Variants in JPH3 observed in about 807,000 individuals in gnomAD.
The protein encoded by JPH3 is junctophilin 3.
A neutral mutation model predicts 59.6 loss-of-function variants in JPH3; 11 were observed. The observed-to-expected ratio is 0.18, with a 90% CI of 0.12 to 0.31. The LOEUF is 0.31. Among genes scored for constraint, JPH3 ranks in the 10% least tolerant of loss-of-function variants. The pLI, the probability that JPH3 is intolerant of heterozygous loss-of-function variation, is 1.00. For missense variants in JPH3, 1,202 were observed against 1,105.7 expected (o/e 1.09, Z -1.24); for synonymous variants, 673 against 483.6 (o/e 1.39, Z -5.14).
intron 1 of JPH3, chr16:87,604,421 C>T (rs2030428000): frequency 7.2e-7 from 1 of 1,396,744 alleles, no homozygotes; most frequent in African/African-American, 1.4e-5. Flanking sequence ...GCACCTGACA[C>T]GCATGGAGCC....
At chr16:87,673,335 T>G (rs1437723869) in intron 2 of JPH3, among the ~76,000 whole-genome samples, 5 of 151,638 alleles carry the variant, frequency 3.3e-5, no homozygotes, top group Admixed American at 2.6e-4. Flanking sequence ...AAAACTGATC[T>G]ACTGAATTAC....
intron 2 of JPH3, among the ~76,000 whole-genome samples, chr16:87,667,640 G>A (rs932856826): frequency 3.9e-5 from 6 of 152,174 alleles, no homozygotes; most frequent in African/African-American, 1.2e-4. Context: ...GGGGTCTTGG[G>A]CAACGTCCCA....
At position 87,677,016 on chromosome 16, in the gene JPH3, G is replaced by C. The variant is rs185447228; in HGVS notation, c.1161-7126G>C. ...CTACTAAGAATACAAAAAATTAGCC[G>C]GGCGTGGTGGCGGGCGCCTGTAGTC... is the stretch of plus-strand genomic sequence containing the variant. On this transcript the variant is annotated intron_variant, in intron 2 of 4. Transcript: ENST00000284262. 3.5e-3 allele frequency among the ~76,000 whole-genome samples: 525 copies of C among 151,456 alleles called. 20 individuals are homozygous for C. The highest frequency in any genetic ancestry group is 0.012 in the African/African-American group (511 of 40,986).
At chr16:87,620,457 A>AGAGG (rs150066840) in intron 1 of JPH3, among the ~76,000 whole-genome samples, 1 of 94,794 alleles carries the variant, frequency 1.1e-5, no homozygotes, top group Non-Finnish European at 2.1e-5. Flanking sequence ...AGAGAGAAGG[A>AGAGG]GAGAGAGGGA....
At chr16:87,682,119 C>T (rs140824677) in intron 2 of JPH3, among the ~76,000 whole-genome samples, 7 of 152,320 alleles carry the variant, frequency 4.6e-5, no homozygotes, top group Non-Finnish European at 8.8e-5. Flanking sequence ...CTCTCTGGCT[C>T]TTGGAGCCCT....
At chr16:87,671,207 C>T (rs572933567) in intron 2 of JPH3, among the ~76,000 whole-genome samples, 3 of 152,184 alleles carry the variant, frequency 2.0e-5, no homozygotes, top group Non-Finnish European at 4.4e-5. Context: ...ACACGTCTCT[C>T]TGTTCCTCGA....
At chr16:87,673,443 C>A (rs542169367) in intron 2 of JPH3, among the ~76,000 whole-genome samples, 1 of 152,048 alleles carries the variant, frequency 6.6e-6, no homozygotes, top group African/African-American at 2.4e-5. Context: ...AAGTTCAGAC[C>A]CCAGGAACAT....
chr16:87,644,705 A>G lies in JPH3; in HGVS notation c.830A>G (p.Glu277Gly). Reference sequence around the variant, plus strand: ...GCTGAGGCCGAGCTGGCGGTCATCGAGGACGACATCGACGCCACCACCACC... The same window carrying G: ...GCTGAGGCCGAGCTGGCGGTCATCGGGGACGACATCGACGCCACCACCACC... ...GEAEAELAVI[E>G]DDIDATTTET... is the part of the protein sequence containing the mutation. The change falls in exon 2 of 5, where the codon GAG becomes GGG. Residue 277 changes from glutamate (E) to glycine (G), a missense_variant. By Grantham distance (98) the Glu-to-Gly change is moderately conservative. Coordinates refer to ENST00000284262, the MANE Select transcript of JPH3 (RefSeq NM_020655.4). 2 of 1,612,176 alleles carry G rather than the reference A, an allele frequency of 1.2e-6. No homozygotes were observed. The highest frequency in any genetic ancestry group is 1.7e-6 in the Non-Finnish European group (2 of 1,179,866).
chr16:87,658,691 T>C (rs983720778), intron 2 of JPH3, among the ~76,000 whole-genome samples: 3 of 152,066 alleles, frequency 2.0e-5, no homozygotes, highest in African/African-American at 7.3e-5. Flanking sequence ...CCCCAGCAGG[T>C]GGAGCAGGAG....
chr16:87,636,238 T>A (rs1289401424), intron 1 of JPH3, among the ~76,000 whole-genome samples: 2 of 151,678 alleles, frequency 1.3e-5, no homozygotes, highest in African/African-American at 4.8e-5. Flanking sequence ...TGCCCTGGGG[T>A]GGGGTGGGGG....
intron 3 of JPH3, among the ~76,000 whole-genome samples, chr16:87,688,049 TCA>T: frequency 6.6e-6 from 1 of 152,002 alleles, no homozygotes; most frequent in Non-Finnish European, 1.5e-5. Flanking sequence ...GGGCTGGGCG[TCA>T]GGTGGGTACG....
intron 2 of JPH3, among the ~76,000 whole-genome samples, chr16:87,676,972 C>CCATCCTGGCTAA (rs1411962104): frequency 6.6e-6 from 1 of 150,854 alleles, no homozygotes; most frequent in African/African-American, 2.5e-5. Flanking sequence ...GAGATCGAAA[C>CCATCCTGGCTAA]CATGGTGAAA....
chr16:87,633,657 G>A (rs2031637355), intron 1 of JPH3, among the ~76,000 whole-genome samples: 1 of 151,960 alleles, frequency 6.6e-6, no homozygotes, highest in African/African-American at 2.4e-5. Flanking sequence ...AGATTAGCTG[G>A]GTGTGGTGGC....
intron 1 of JPH3, among the ~76,000 whole-genome samples, chr16:87,643,529 C>G (rs527330228): frequency 1.3e-5 from 2 of 152,356 alleles, no homozygotes; most frequent in East Asian, 3.9e-4. Flanking sequence ...AGCTCACTGT[C>G]TCCCAGAGCA....
intron 1 of JPH3, among the ~76,000 whole-genome samples, chr16:87,633,651 T>A (rs1480267419): frequency 6.6e-6 from 1 of 151,870 alleles, no homozygotes; most frequent in African/African-American, 2.4e-5. Context: ...ATACAAAGAT[T>A]AGCTGGGTGT....
intron 2 of JPH3, among the ~76,000 whole-genome samples, chr16:87,670,683 C>T (rs2032991962): frequency 6.6e-6 from 1 of 152,244 alleles, no homozygotes. Context: ...CCTCAGGGAC[C>T]CGGCGGGGAC....
Position 87,618,840 on chromosome 16 carries a change from G to A in JPH3, c.382+15312G>A, listed in dbSNP as rs146485821. On this transcript the variant is annotated intron_variant, in intron 1 of 4. Coordinates refer to ENST00000284262, the MANE Select transcript of JPH3 (RefSeq NM_020655.4). ...CGCAGTGCTCACACCTGTAATTCCAGCACTTTGGGAGGCCGAGGTGGGCAG... is the reference window on the plus strand; with the variant it reads ...CGCAGTGCTCACACCTGTAATTCCAACACTTTGGGAGGCCGAGGTGGGCAG... Among the ~76,000 whole-genome samples the A allele has an allele frequency of 5.9e-3, 901 of 152,302 alleles. 3 individuals carry two copies. Among genetic ancestry groups the A allele is most frequent in the Non-Finnish European group, 8.3e-3 (566 of 68,020 alleles).
At chr16:87,639,771 C>A (rs926879268) in intron 1 of JPH3, among the ~76,000 whole-genome samples, 1 of 152,176 alleles carries the variant, frequency 6.6e-6, no homozygotes, top group Non-Finnish European at 1.5e-5. Flanking sequence ...AGGATTTGTC[C>A]CTTCCAGCCT....
At chr16:87,665,569 G>C (rs1365337343) in intron 2 of JPH3, among the ~76,000 whole-genome samples, 1 of 152,240 alleles carries the variant, frequency 6.6e-6, no homozygotes, top group Non-Finnish European at 1.5e-5. Context: ...TGCTGAGACA[G>C]GCCTAGAGGC....
Sources: gnomAD v4.1 joint callset for allele counts (sites outside exome capture counted in the v4.1 genomes callset) on GRCh38, gnomAD v4.1.1 for gene constraint, MANE v1.5 for transcripts, NCBI Gene and HGNC (gene_info 2026-07-23, HGNC 2026-07-21) for gene names.